CHL1: variants seen among roughly 807,000 people sequenced by gnomAD.
CHL1 encodes the protein cell adhesion molecule L1 like, also known as neural cell adhesion molecule L1-like protein.
In CHL1, 96 loss-of-function variants were observed where a neutral mutation model predicts 141.9. The observed-to-expected ratio is 0.68, with a 90% confidence interval of 0.57 to 0.80. The LOEUF (loss-of-function observed/expected upper bound fraction) is 0.80, where lower values mean the gene tolerates loss of function less well. Among genes scored for constraint, CHL1 ranks in the 30% least tolerant of loss-of-function variants. The pLI is 0.00. For missense variants in CHL1, 1,820 were observed against 1,457.2 expected (o/e 1.25, Z -4.05); for synonymous variants, 613 against 502.2 (o/e 1.22, Z -2.95).
At chr3:398,130 T>C in intron 24 of CHL1, 97 bp from the exon 25 acceptor site, 2 of 678,164 alleles carry the variant, frequency 2.9e-6, no homozygotes, top group Non-Finnish European at 4.5e-6. Context: ...AAATATGGTA[T>C]AAGTGACTTT....
chr3:318,648 G>A (rs1008324755), intron 2 of CHL1, among the ~76,000 whole-genome samples: 6 of 150,790 alleles, frequency 4.0e-5, no homozygotes, highest in Non-Finnish European at 7.4e-5. Context: ...AGCATCTTAC[G>A]CCTTTGTCTT....
chr3:376,372 G>A (rs1390510422), intron 15 of CHL1: 4 of 516,074 alleles, frequency 7.8e-6, no homozygotes, highest in African/African-American at 5.8e-5. Context: ...ATCTCCAAAT[G>A]TACTGATTTG....
chr3:326,788 T>A (rs1559259338), intron 4 of CHL1, among the ~76,000 whole-genome samples: 1 of 151,932 alleles, frequency 6.6e-6, no homozygotes, highest in Non-Finnish European at 1.5e-5. Flanking sequence ...TTATTCTGCA[T>A]GATTATCTTA....
chr3:197,924 A>C lies in CHL1; in HGVS notation c.-175+861A>C, dbSNP rs1406147905. On this transcript the variant is annotated intron_variant, in intron 1 of 27. Transcript: ENST00000256509. ...GTGCGTGGGGAGGCAGCACGGAGAAAGTGATTAATTTGGGGAGCAGGGATT... is the reference window on the plus strand; with the variant it reads ...GTGCGTGGGGAGGCAGCACGGAGAACGTGATTAATTTGGGGAGCAGGGATT... 5 of 402,482 alleles carry C rather than the reference A, an allele frequency of 1.2e-5. No homozygotes were observed. In the East Asian group the frequency reaches 3.7e-4, roughly 30 times the overall value. 24.9% of individuals were successfully genotyped at this position (402,482 alleles called of 1,614,324 possible).
At position 333,124 on chromosome 3, in the gene CHL1, A is replaced by ATTTTTTTTTTTTTTTTTTTTTTTTT; in HGVS notation, c.385+4778_385+4779insTTTTTTTTTTTTTTTTTTTTTTTTT. Reference sequence around the variant, plus strand: ...AGCTACGTTGTTGGATAATTGCTCTATTTTTTTTATTTTTTTTTTTTGCTG... The same window carrying ATTTTTTTTTTTTTTTTTTTTTTTTT: ...AGCTACGTTGTTGGATAATTGCTCTATTTTTTTTTTTTTTTTTTTTTTTTTTTTTTTTTATTTTTTTTTTTTGCTG... On this transcript the variant is annotated intron_variant, in intron 5 of 27. Coordinates refer to ENST00000256509, the MANE Select transcript of CHL1 (RefSeq NM_006614.4). Among the ~76,000 whole-genome samples the ATTTTTTTTTTTTTTTTTTTTTTTTT allele has an allele frequency of 3.9e-3, 325 of 83,332 alleles. 134 individuals are homozygous for ATTTTTTTTTTTTTTTTTTTTTTTTT. Among genetic ancestry groups the ATTTTTTTTTTTTTTTTTTTTTTTTT allele is most frequent in the South Asian group, 5.4e-3 (10 of 1,838 alleles). 54.7% of individuals were successfully genotyped at this position (83,332 alleles called of 152,430 possible).
chr3:349,248 A>T, intron 9 of CHL1, 111 bp from the exon 10 acceptor site: 1 of 834,418 alleles, frequency 1.2e-6, no homozygotes, highest in South Asian at 1.6e-5. Flanking sequence ...ATTCAGTGGA[A>T]TATGAGCACA....
chr3:220,897 C>G (rs1700772808), intron 1 of CHL1, among the ~76,000 whole-genome samples: 1 of 152,180 alleles, frequency 6.6e-6, no homozygotes, highest in South Asian at 2.1e-4. Flanking sequence ...CTTCGAAAGT[C>G]TGATAAACAT....
chr3:216,902 G>A (rs1252642736), intron 1 of CHL1, among the ~76,000 whole-genome samples: 1 of 152,118 alleles, frequency 6.6e-6, no homozygotes, highest in Non-Finnish European at 1.5e-5. Flanking sequence ...CAAATCATGT[G>A]GTTCTTCTTT....
At chr3:268,938 G>T (rs1695401105) in intron 2 of CHL1, among the ~76,000 whole-genome samples, 1 of 152,314 alleles carries the variant, frequency 6.6e-6, no homozygotes, top group South Asian at 2.1e-4. Flanking sequence ...CAGTAATTAT[G>T]AATGTTAAAG....
intron 5 of CHL1, among the ~76,000 whole-genome samples, chr3:333,763 G>C (rs1341433043): frequency 6.6e-6 from 1 of 152,062 alleles, no homozygotes; most frequent in East Asian, 1.9e-4. Flanking sequence ...GGAAAGGAAG[G>C]GAGCTACTCT....
At chr3:311,575 C>T (rs547746448) in intron 2 of CHL1, among the ~76,000 whole-genome samples, 45 of 152,194 alleles carry the variant, frequency 3.0e-4, no homozygotes, top group South Asian at 2.9e-3. Context: ...CCAAATATCA[C>T]CTGGAGGAGA....
At chr3:310,849 T>C (rs1033895483) in intron 2 of CHL1, among the ~76,000 whole-genome samples, 1 of 152,218 alleles carries the variant, frequency 6.6e-6, no homozygotes, top group Non-Finnish European at 1.5e-5. Context: ...TCATACAAAG[T>C]AGTTTCACTG....
intron 7 of CHL1, among the ~76,000 whole-genome samples, chr3:342,665 T>G (rs1304839007): frequency 6.6e-6 from 1 of 152,176 alleles, no homozygotes; most frequent in Non-Finnish European, 1.5e-5. Context: ...CATTACCATT[T>G]CATTGTTTAA....
chr3:281,746 G>C (rs1696677216), intron 2 of CHL1, among the ~76,000 whole-genome samples: 1 of 151,972 alleles, frequency 6.6e-6, no homozygotes, highest in Non-Finnish European at 1.5e-5. Flanking sequence ...TTTTAGTAGA[G>C]ATGGGGTTTC....
At position 257,352 on chromosome 3, in the gene CHL1, T is replaced by TC. The variant is rs1491428572; in HGVS notation, c.-95+12661dup. Among the ~76,000 whole-genome samples, 32 of 145,492 alleles carry TC rather than the reference T, an allele frequency of 2.2e-4. 3 individuals are homozygous for TC. In the South Asian group the frequency reaches 6.8e-3, roughly 31 times the overall value. ...CCATCTCCTTTTCTTCTTTTCTTCT[T>TC]CTTTTTTTTTTTTTTTTGTGAGACA... On this transcript the variant is annotated intron_variant, in intron 2 of 27. Coordinates refer to ENST00000256509, the MANE Select transcript of CHL1 (RefSeq NM_006614.4).
intron 2 of CHL1, among the ~76,000 whole-genome samples, chr3:298,953 G>C (rs1698458614): frequency 6.6e-6 from 1 of 152,184 alleles, no homozygotes; most frequent in South Asian, 2.1e-4. Context: ...TTTTACGATA[G>C]TATTAACAAT....
At chr3:197,918 G>A (rs1314591081) in intron 1 of CHL1, 1 of 408,824 alleles carries the variant, frequency 2.4e-6, no homozygotes, top group African/African-American at 2.2e-5. Context: ...GAGGCAGCAC[G>A]GAGAAAGTGA....
intron 2 of CHL1, among the ~76,000 whole-genome samples, chr3:254,825 A>T (rs1312397316): frequency 4.6e-5 from 7 of 152,122 alleles, no homozygotes; most frequent in African/African-American, 1.4e-4. Flanking sequence ...CCTTAATCCC[A>T]TTCATGAGGG....
Position 244,606 on chromosome 3 carries a change from T to A in CHL1, c.-174-7T>A, listed in dbSNP as rs902397596. 1 of 152,202 alleles carries A rather than the reference T, an allele frequency of 6.6e-6. No individual in the cohort carries two copies. Among genetic ancestry groups the A allele is most frequent in the East Asian group, 1.9e-4 (1 of 5,198 alleles). The allele number at this position is 152,202 out of a possible 1,614,324, so 9.4% of individuals were successfully genotyped here. A position where few individuals can be genotyped will look rare whatever the true frequency, so the allele number is the denominator to read the frequency against. On this transcript the variant is annotated splice_region_variant and splice_polypyrimidine_tract_variant and intron_variant, in intron 1 of 27. Transcript: ENST00000256509. ...TCCAAAATTACAACTTTCTAATCTA[T>A]CCCTAGGTGCTGTAAACTGCAAACC...
Sources: allele counts gnomAD v4.1 joint callset (sites outside exome capture counted in the v4.1 genomes callset), GRCh38; gene constraint gnomAD v4.1.1; transcripts MANE v1.5; gene names NCBI Gene and HGNC (gene_info 2026-07-23, HGNC 2026-07-21).